Variants in FANCL observed in about 807,000 individuals in gnomAD.
FANCL encodes E3 ubiquitin-protein ligase FANCL.
Under a neutral mutation model 59.4 loss-of-function variants are expected in FANCL, and 69 were observed. The observed-to-expected ratio is 1.16, with a 90% confidence interval of 0.96 to 1.42. The LOEUF (loss-of-function observed/expected upper bound fraction) is 1.42, where lower values mean the gene tolerates loss of function less well. Ranked by LOEUF, FANCL falls within the 40% of genes most tolerant of loss-of-function variation. The pLI is 0.00. For synonymous variants in FANCL, 180 were observed against 147.1 expected (o/e 1.22, Z -1.62); for missense variants, 519 against 447.2 (o/e 1.16, Z -1.45).
intron 7 of FANCL, among the ~76,000 whole-genome samples, chr2:58,171,867 A>G (rs1686663382): frequency 6.7e-6 from 1 of 149,144 alleles, no homozygotes; most frequent in Admixed American, 6.6e-5. Flanking sequence ...GAAAGGGGTG[A>G]CAGACAGCAC....
At chr2:58,169,532 A>T (rs866976141) in intron 7 of FANCL, among the ~76,000 whole-genome samples, 4 of 152,190 alleles carry the variant, frequency 2.6e-5, no homozygotes, top group Middle Eastern at 3.2e-3. Context: ...GCAAGGGAAC[A>T]AAACTGGACA....
intron 1 of FANCL, among the ~76,000 whole-genome samples, chr2:58,236,362 G>A (rs997297832): frequency 1.3e-5 from 2 of 151,720 alleles, no homozygotes; most frequent in South Asian, 4.1e-4. Context: ...AAATTATATA[G>A]TTGATAAACC....
At chr2:58,241,369 G>A, upstream of FANCL, 1 of 1,551,578 alleles carries the variant, frequency 6.4e-7, no homozygotes. Context: ...TCCTGCACAT[G>A]CGCAGTCCGC....
chr2:58,188,086 T>G (rs1008313911), intron 7 of FANCL, among the ~76,000 whole-genome samples: 1 of 152,194 alleles, frequency 6.6e-6, no homozygotes, highest in Non-Finnish European at 1.5e-5. Context: ...CATTGTAAGT[T>G]AATTTTTGTA....
At chr2:58,216,125 T>C (rs1484201866) in intron 5 of FANCL, among the ~76,000 whole-genome samples, 1 of 152,162 alleles carries the variant, frequency 6.6e-6, no homozygotes, top group Non-Finnish European at 1.5e-5. Flanking sequence ...GTTTAGGATC[T>C]ACCAGGGGGG....
chr2:58,173,386 G>C (rs1053536867), intron 7 of FANCL, among the ~76,000 whole-genome samples: 1 of 152,194 alleles, frequency 6.6e-6, no homozygotes. Context: ...CAGCCAGAGA[G>C]AAAGGTCGGG....
At chr2:58,221,613 A>T (rs888427866) in intron 5 of FANCL, among the ~76,000 whole-genome samples, 7 of 152,192 alleles carry the variant, frequency 4.6e-5, no homozygotes, top group African/African-American at 1.7e-4. Flanking sequence ...CAATTTTTCC[A>T]GTCTCTTTCA....
At chr2:58,232,174 A>T in intron 1 of FANCL, 62 bp from the exon 2 acceptor site, 2 of 1,304,692 alleles carry the variant, frequency 1.5e-6, no homozygotes, top group South Asian at 2.4e-5. Context: ...CTGAGAAGTT[A>T]AACAGAATCA....
rs1685206811 is a variant in FANCL at position 58,161,734 on chromosome 2, A to G, written c.904-96T>C. ...GTATGTGTGATATTTTGATACATGT[A>G]TACAGTGTTTAATGATGACATCAGG... On this transcript the variant is annotated intron_variant, in intron 11 of 13. Transcript: ENST00000233741. The G allele has an allele frequency of 1.8e-5, 14 of 771,246 alleles. No individual in the cohort carries two copies. In the Admixed American group the frequency reaches 2.8e-4, roughly 15 times the overall value. 47.8% of individuals were successfully genotyped at this position (771,246 alleles called of 1,614,324 possible).
Position 58,160,030 on chromosome 2 carries a change from A to G in FANCL, c.1092+78T>C, listed in dbSNP as rs1030987296. 11 of 1,599,684 alleles carry G rather than the reference A, an allele frequency of 6.9e-6. No individual in the cohort carries two copies. In the African/African-American group the frequency reaches 1.5e-4, roughly 22 times the overall value. On this transcript the variant is annotated intron_variant, in intron 13 of 13. Coordinates refer to ENST00000233741, the MANE Select transcript of FANCL (RefSeq NM_018062.4). ...TCAAAAGTTTTAGATAAACTGATAT[A>G]CTATATAGATCTATCTTCTAGAACA...
At chr2:58,165,655 T>G in intron 8 of FANCL, 69 bp downstream of exon 8, 1 of 1,581,396 alleles carries the variant, frequency 6.3e-7, no homozygotes, top group Non-Finnish European at 8.6e-7. Flanking sequence ...CAACTGTCAT[T>G]GTTAGATTTA....
intron 7 of FANCL, among the ~76,000 whole-genome samples, chr2:58,184,401 A>T (rs1688205202): frequency 6.6e-6 from 1 of 152,096 alleles, no homozygotes; most frequent in African/African-American, 2.4e-5. Flanking sequence ...AAAAACTGCA[A>T]TAGTCAATAA....
At chr2:58,217,181 T>C (rs867458244) in intron 5 of FANCL, among the ~76,000 whole-genome samples, 6 of 4,920 alleles carry the variant, frequency 1.2e-3, no homozygotes, top group Admixed American at 6.0e-3. Flanking sequence ...TATATATATA[T>C]ATATATATAT....
chr2:58,167,202 C>G (rs932617940), intron 7 of FANCL, among the ~76,000 whole-genome samples: 16 of 152,112 alleles, frequency 1.1e-4, no homozygotes, highest in African/African-American at 3.6e-4. Context: ...CAGAGCTAGA[C>G]TCCGTCTCAA....
intron 7 of FANCL, among the ~76,000 whole-genome samples, chr2:58,181,808 A>G (rs1030063616): frequency 6.6e-6 from 1 of 151,906 alleles, no homozygotes; most frequent in Non-Finnish European, 1.5e-5. Context: ...ATATTAAATA[A>G]ATGATATAAA....
chr2:58,212,909 A>G (rs1199923163), intron 5 of FANCL, among the ~76,000 whole-genome samples: 1 of 152,184 alleles, frequency 6.6e-6, no homozygotes, highest in East Asian at 1.9e-4. Context: ...TTATTTCCAT[A>G]TTTCTTTCTA....
Position 58,226,795 on chromosome 2 carries a change from A to G in FANCL, c.217-11T>C, listed in dbSNP as rs79588315. ...AGAGTGCTGCATTCTCTAGATCAAA[A>G]TATTTCCAATTAATTTCATTTGCAC... On this transcript the variant is annotated splice_polypyrimidine_tract_variant and intron_variant, in intron 3 of 13. Coordinates refer to ENST00000233741, the MANE Select transcript of FANCL (RefSeq NM_018062.4). 0.084 allele frequency: 134,340 copies of G among 1,605,374 alleles called. 6,241 individuals are homozygous for G. The highest frequency in any genetic ancestry group is 0.096 in the Non-Finnish European group (112,017 of 1,172,274).
intron 7 of FANCL, among the ~76,000 whole-genome samples, chr2:58,196,374 G>C (rs1689425671): frequency 6.6e-6 from 1 of 151,966 alleles, no homozygotes; most frequent in African/African-American, 2.4e-5. Context: ...TCAAATCTGA[G>C]TTGTGATAAA....
At chr2:58,240,578 AG>A (rs1694431943) in intron 1 of FANCL, among the ~76,000 whole-genome samples, 1 of 152,242 alleles carries the variant, frequency 6.6e-6, no homozygotes, top group South Asian at 2.1e-4. Flanking sequence ...CTGAGGATTA[AG>A]TGAACTATTT....
Sources: allele counts gnomAD v4.1 joint callset (sites outside exome capture counted in the v4.1 genomes callset), GRCh38; gene constraint gnomAD v4.1.1; transcripts MANE v1.5; gene names NCBI Gene and HGNC (gene_info 2026-07-23, HGNC 2026-07-21).